Variants in SLC6A7 observed in about 807,000 individuals in gnomAD.
SLC6A7 encodes solute carrier family 6 member 7, also known as sodium-dependent proline transporter.
A neutral mutation model predicts 73.1 loss-of-function variants in SLC6A7; 58 were observed. That is an observed-to-expected ratio of 0.79 (90% confidence interval 0.64 to 0.99). The LOEUF (loss-of-function observed/expected upper bound fraction) is 0.99, where lower values mean the gene tolerates loss of function less well. Ranked by LOEUF, SLC6A7 falls within the 50% of genes least tolerant of loss-of-function variation. The pLI, the probability that SLC6A7 is intolerant of heterozygous loss-of-function variation, is 0.00. For missense variants in SLC6A7, 783 were observed against 831.4 expected (o/e 0.94, Z 0.72); for synonymous variants, 338 against 338.7 (o/e 1.00, Z 0.02).
rs1753893489 is a variant in SLC6A7, at chr5:150,209,958, C to T, written c.*343C>T. 2 of 331,830 alleles carry T rather than the reference C, an allele frequency of 6.0e-6. No individual in the cohort carries two copies. The highest frequency in any genetic ancestry group is 3.4e-5 in the South Asian group (1 of 29,528). 20.6% of individuals were successfully genotyped at this position (331,830 alleles called of 1,614,324 possible). A position where few individuals can be genotyped will look rare whatever the true frequency, so the allele number is the denominator to read the frequency against. ...GAACCCACGCCTCCTGACCAGCCAGCTCCCTTTCCCATGGGGCAGCCGGCA... is the reference window on the plus strand; with the variant it reads ...GAACCCACGCCTCCTGACCAGCCAGTTCCCTTTCCCATGGGGCAGCCGGCA... On this transcript the variant is annotated 3_prime_UTR_variant, in exon 14 of 14. Coordinates refer to ENST00000230671, the MANE Select transcript of SLC6A7 (RefSeq NM_014228.5).
At position 150,199,276 on chromosome 5, in the gene SLC6A7, G is replaced by C. The variant is rs1753245213; in HGVS notation, c.633G>C (p.Gly211=). 6.2e-7 allele frequency: 1 copy of C among 1,613,814 alleles called. No homozygotes were observed. Among genetic ancestry groups the C allele is most frequent in the Non-Finnish European group, 8.5e-7 (1 of 1,179,892 alleles). The change falls in exon 5 of 14, where the codon GGG becomes GGC. Residue 211 remains glycine (G), a synonymous_variant. Coordinates refer to ENST00000230671, the MANE Select transcript of SLC6A7 (RefSeq NM_014228.5). Reference sequence around the variant, plus strand: ...GCAGCCAGGGCATCGGCAGCCCTGGGGAGATCCGCTGGAACCTCTGCCTCT... The same window carrying C: ...GCAGCCAGGGCATCGGCAGCCCTGGCGAGATCCGCTGGAACCTCTGCCTCT... ...IQGSQGIGSP[G]EIRWNLCLCL... is the part of the protein sequence containing the mutation.
chr5:150,198,052 AAAGAAAGAAAGAAAGAAAG>A (rs1430273107), intron 4 of SLC6A7, among the ~76,000 whole-genome samples: 2 of 35,826 alleles, frequency 5.6e-5, no homozygotes, highest in East Asian at 6.9e-4. Context: ...GAAGAAAGAG[AAAGAAAGAAAGAAAGAAAG>A]AAAGAAAGAA....
At chr5:150,201,915 C>T (rs548317211) in intron 6 of SLC6A7, among the ~76,000 whole-genome samples, 4 of 152,150 alleles carry the variant, frequency 2.6e-5, no homozygotes, top group African/African-American at 4.8e-5. Context: ...AGGGATCCTG[C>T]GGTCCAGAGG....
Position 150,190,220 on chromosome 5 carries a change from G to A in SLC6A7, c.-108G>A, listed in dbSNP as rs567853493. On this transcript the variant is annotated 5_prime_UTR_variant, in exon 1 of 14. Transcript: ENST00000230671. ...GCCTGCGTCCGTGCCCGCCCCAGCC[G>A]GTGCGCGGGAGCCGCGGGGGCAAAG... 1.1e-6 allele frequency: 1 copy of A among 952,128 alleles called. No homozygotes were observed. Among genetic ancestry groups the A allele is most frequent in the Non-Finnish European group, 1.5e-6 (1 of 659,278 alleles). 59.0% of individuals were successfully genotyped at this position (952,128 alleles called of 1,614,324 possible). A position where few individuals can be genotyped will look rare whatever the true frequency, so the allele number is the denominator to read the frequency against.
rs1370133206 is a variant in SLC6A7, at chr5:150,205,488, G to T, written c.1566G>T (p.Gln522His). The T allele has an allele frequency of 2.5e-6, 4 of 1,612,112 alleles. No homozygotes were observed. In the South Asian group the frequency reaches 4.4e-5, roughly 18 times the overall value. Residue 522 changes from glutamine to histidine, a missense_variant, in exon 13 of 14, where the codon CAG (glutamine) becomes CAT (histidine). Coordinates refer to ENST00000230671, the MANE Select transcript of SLC6A7 (RefSeq NM_014228.5). Reference sequence around the variant, plus strand: ...TGGTGTATAGCATCGTCAAGTACCAGCCCTCGGAGTATGGCAGTTACCGCT... The same window carrying T: ...TGGTGTATAGCATCGTCAAGTACCATCCCTCGGAGTATGGCAGTTACCGCT... Reference protein sequence around the residue: ...ALMVYSIVKYQPSEYGSYRFP... With the variant: ...ALMVYSIVKYHPSEYGSYRFP...
rs775597845 is a variant in SLC6A7, at chr5:150,202,680, C to T, written c.1064C>T (p.Pro355Leu). The change falls in exon 8 of 14, where the codon CCT (proline) becomes CTT (leucine). Residue 355 changes from proline to leucine, a missense_variant. Transcript: ENST00000230671. Reference sequence around the variant, plus strand: ...TACATGTCTCAGGAGCTGGGCGTGCCTGTGGACCAAGTAGCCAAAGCAGGT... The same window carrying T: ...TACATGTCTCAGGAGCTGGGCGTGCTTGTGGACCAAGTAGCCAAAGCAGGT... ...LGYMSQELGV[P>L]VDQVAKAGPG... 1 of 1,614,160 alleles carries T rather than the reference C, an allele frequency of 6.2e-7. No homozygotes were observed. Among genetic ancestry groups the T allele is most frequent in the Non-Finnish European group, 8.5e-7 (1 of 1,180,016 alleles).
At chr5:150,200,226 C>T (rs950468923) in intron 5 of SLC6A7, among the ~76,000 whole-genome samples, 4 of 152,226 alleles carry the variant, frequency 2.6e-5, no homozygotes, top group South Asian at 2.1e-4. Flanking sequence ...GAGGTGGTGG[C>T]TCAAGCCTGT....
chr5:150,209,270 C>G (rs536188043), intron 13 of SLC6A7, 136 bp from the exon 14 acceptor site: 20 of 717,022 alleles, frequency 2.8e-5, no homozygotes, highest in African/African-American at 1.9e-4. Context: ...TAGTGCCCCC[C>G]ACTTCCCCGC....
chr5:150,202,183 G>C (rs1399080353), intron 6 of SLC6A7, among the ~76,000 whole-genome samples, 164 bp from the exon 7 acceptor site: 1 of 152,174 alleles, frequency 6.6e-6, no homozygotes, highest in East Asian at 1.9e-4. Context: ...AAATGTTGGG[G>C]GAGGCTTTGC....
chr5:150,190,513 C>G (rs376632071), intron 1 of SLC6A7, among the ~76,000 whole-genome samples, 153 bp downstream of exon 1: 2 of 152,246 alleles, frequency 1.3e-5, no homozygotes, highest in African/African-American at 4.8e-5. Flanking sequence ...CAGGGAGGGT[C>G]AGGGTCACGG....
At chr5:150,206,779 G>T (rs1282819668) in intron 13 of SLC6A7, among the ~76,000 whole-genome samples, 1 of 152,222 alleles carries the variant, frequency 6.6e-6, no homozygotes, top group Non-Finnish European at 1.5e-5. Flanking sequence ...TACCTGCAAA[G>T]GGAGGGAAGA....
chr5:150,190,453 G>T, intron 1 of SLC6A7, 93 bp downstream of exon 1: 2 of 848,976 alleles, frequency 2.4e-6, no homozygotes, highest in African/African-American at 1.8e-5. Flanking sequence ...GTCTGAGGAT[G>T]CACCCAGACC....
At chr5:150,196,873 G>A (rs1441070798) in intron 3 of SLC6A7, 26 bp downstream of exon 3, 1 of 1,609,914 alleles carries the variant, frequency 6.2e-7, no homozygotes, top group African/African-American at 1.3e-5. Flanking sequence ...TCCCCAGGGA[G>A]GGAAGGGCTC....
At chr5:150,196,259 G>T (rs1380540997) in intron 2 of SLC6A7, among the ~76,000 whole-genome samples, 3 of 152,198 alleles carry the variant, frequency 2.0e-5, no homozygotes, top group Non-Finnish European at 4.4e-5. Flanking sequence ...GTTCTCTAAA[G>T]AAGTGACTGC....
At position 150,195,044 on chromosome 5, in the gene SLC6A7, A is replaced by G; in HGVS notation, c.217+133A>G. ...GCAGAACTCATTGAAAGTGGTTTAT[A>G]GTAACTTGGGGCTGGGAGGAAGGAG... On this transcript the variant is annotated intron_variant, in intron 2 of 13. Transcript: ENST00000230671. 3 of 711,876 alleles carry G rather than the reference A, an allele frequency of 4.2e-6. No homozygotes were observed. In the Admixed American group the frequency reaches 7.7e-5, roughly 18 times the overall value. The allele number at this position is 711,876 out of a possible 1,614,324, so 44.1% of individuals were successfully genotyped here. A position where few individuals can be genotyped will look rare whatever the true frequency, so the allele number is the denominator to read the frequency against.
chr5:150,208,226 A>G (rs1753795528), intron 13 of SLC6A7, among the ~76,000 whole-genome samples: 1 of 152,024 alleles, frequency 6.6e-6, no homozygotes, highest in Admixed American at 6.6e-5. Context: ...GAATAAATGG[A>G]GAGTGGTACT....
chr5:150,194,891 G>C lies in SLC6A7; in HGVS notation c.197G>C (p.Arg66Pro). 2.5e-6 allele frequency: 4 copies of C among 1,614,048 alleles called. No individual in the cohort carries two copies. The highest frequency in any genetic ancestry group is 3.4e-6 in the Non-Finnish European group (4 of 1,179,962). The part of the protein sequence containing the change: ...GLGNVWRFPY[R>P]AYTNGGGAFL... ...GGGAATGTCTGGCGCTTCCCCTATC[G>C]AGCGTACACCAATGGAGGAGGTATG... The change falls in exon 2 of 14, where the codon CGA (arginine) becomes CCA (proline). Residue 66 changes from arginine to proline, a missense_variant. By Grantham distance (103) the Arg-to-Pro change is moderately radical (BLOSUM62 -2). Coordinates refer to ENST00000230671, the MANE Select transcript of SLC6A7 (RefSeq NM_014228.5).
intron 2 of SLC6A7, among the ~76,000 whole-genome samples, chr5:150,196,199 G>A (rs1043476115): frequency 6.6e-6 from 1 of 152,176 alleles, no homozygotes; most frequent in Non-Finnish European, 1.5e-5. Context: ...CCTAGGAGGG[G>A]GTTGGTTGAT....
rs772867215 is a variant in SLC6A7 at position 150,199,230 on chromosome 5, G to T, written c.587G>T (p.Arg196Leu). The T allele has an allele frequency of 3.8e-6, 6 of 1,597,910 alleles. No individual in the cohort carries two copies. In the East Asian group the frequency reaches 1.3e-4, roughly 36 times the overall value. Residue 196 changes from arginine (R) to leucine (L), a missense_variant and splice_region_variant, in exon 5 of 14, where the codon CGC becomes CTC. Arg to Leu is a moderately radical substitution (Grantham distance 102). Transcript: ENST00000230671. ...TVSPSEEYWSRYVLHIQGSQG... is the reference protein window; with the variant it reads ...TVSPSEEYWSLYVLHIQGSQG... ...ACTGAGACCTTTGTCTCCCACAGCCGCTACGTCCTCCACATCCAAGGCAGC... is the reference window on the plus strand; with the variant it reads ...ACTGAGACCTTTGTCTCCCACAGCCTCTACGTCCTCCACATCCAAGGCAGC...
Sources: gnomAD v4.1 joint callset for allele counts (sites outside exome capture counted in the v4.1 genomes callset) on GRCh38, gnomAD v4.1.1 for gene constraint, MANE v1.5 for transcripts, NCBI Gene and HGNC (gene_info 2026-07-23, HGNC 2026-07-21) for gene names.